Variants in PTPN21 observed in about 807,000 individuals in gnomAD.
PTPN21 encodes protein tyrosine phosphatase non-receptor type 21.
Under a neutral mutation model 131.8 loss-of-function variants are expected in PTPN21, and 77 were observed. The observed-to-expected ratio is 0.58, with a 90% CI of 0.49 to 0.71. PTPN21 has a LOEUF of 0.71. PTPN21 is among the 30% of genes least tolerant of loss of function. PTPN21 has a pLI of 0.00. For missense variants in PTPN21, 1,552 were observed against 1,527.1 expected (o/e 1.02, Z -0.27); for synonymous variants, 715 against 621.3 (o/e 1.15, Z -2.24).
chr14:88,548,172 T>C (rs1460178777), intron 2 of PTPN21, among the ~76,000 whole-genome samples: 1 of 152,138 alleles, frequency 6.6e-6, no homozygotes, highest in African/African-American at 2.4e-5. Flanking sequence ...GTGGCTACCA[T>C]CTGTACCTGA....
intron 2 of PTPN21, among the ~76,000 whole-genome samples, chr14:88,525,964 G>A (rs936387097): frequency 1.3e-5 from 2 of 152,156 alleles, no homozygotes; most frequent in African/African-American, 2.4e-5. Flanking sequence ...GTCAAATATT[G>A]TATAATTCTG....
rs1172099704 is a variant in PTPN21 at position 88,518,226 on chromosome 14, C to CAA, written c.181-967_181-966dup. ...TGGGCAACAGAGTGAGAATCTACCT[C>CAA]AAAAAAAAAAAAAAAAAAAAAAAAA... On this transcript the variant is annotated intron_variant, in intron 2 of 18. Coordinates refer to ENST00000556564, the MANE Select transcript of PTPN21 (RefSeq NM_007039.4). Among the ~76,000 whole-genome samples the CAA allele has an allele frequency of 7.2e-3, 80 of 11,076 alleles. 26 individuals are homozygous for CAA. The highest frequency in any genetic ancestry group is 0.01 in the Non-Finnish European group (69 of 6,736). The allele number at this position is 11,076 out of a possible 152,430, so 7.3% of individuals were successfully genotyped here. A position where few individuals can be genotyped will look rare whatever the true frequency, so the allele number is the denominator to read the frequency against.
intron 1 of PTPN21, 110 bp from the exon 2 acceptor site, chr14:88,550,729 G>GA (rs1276076594): frequency 2.8e-5 from 7 of 251,384 alleles, no homozygotes; most frequent in African/African-American, 4.4e-5. Context: ...CTCTCCACTG[G>GA]AAAAAAGGCA....
Position 88,497,277 on chromosome 14 carries a change from C to T in PTPN21, c.778G>A (p.Ala260Thr). 1 of 1,612,942 alleles carries T rather than the reference C, an allele frequency of 6.2e-7. No homozygotes were observed. Residue 260 changes from alanine (A) to threonine (T), a missense_variant, in exon 9 of 19, where the codon GCC becomes ACC. This residue lies in a region of PTPN21 where 1,016 missense variants were observed against 883.5 expected (regional missense o/e 1.15). Coordinates refer to ENST00000556564, the MANE Select transcript of PTPN21 (RefSeq NM_007039.4). Reference sequence around the variant, plus strand: ...AAGGACTTGTTGTGGGACATGTTGGCAATGTCATGCCACCTAAAGAACAGC... The same window carrying T: ...AAGGACTTGTTGTGGGACATGTTGGTAATGTCATGCCACCTAAAGAACAGC... Reference protein sequence around the residue: ...HPVVFRWHDIANMSHNKSFFA... With the variant: ...HPVVFRWHDITNMSHNKSFFA...
At chr14:88,521,006 C>CTATA (rs1222230866) in intron 2 of PTPN21, among the ~76,000 whole-genome samples, 1 of 151,508 alleles carries the variant, frequency 6.6e-6, no homozygotes, top group Non-Finnish European at 1.5e-5. Context: ...CCACACCAGG[C>CTATA]TATATATATA....
At chr14:88,551,898 T>A (rs1037603292) in intron 1 of PTPN21, 1 of 152,258 alleles carries the variant, frequency 6.6e-6, no homozygotes, top group Non-Finnish European at 1.5e-5. Flanking sequence ...TAGCTGGGGA[T>A]TTTTATATCA....
intron 8 of PTPN21, 35 bp from the exon 9 acceptor site, chr14:88,497,325 G>T (rs1206889970): frequency 4.7e-6 from 7 of 1,503,654 alleles, no homozygotes; most frequent in Non-Finnish European, 6.5e-6. Flanking sequence ...GGCAATGTGA[G>T]TGCCCATGGG....
chr14:88,536,637 AATT>A (rs1336316572), intron 2 of PTPN21, among the ~76,000 whole-genome samples: 4 of 152,326 alleles, frequency 2.6e-5, no homozygotes, highest in African/African-American at 9.6e-5. Flanking sequence ...TTTCTCGTCT[AATT>A]ATTTTAAGAG....
At position 88,479,710 on chromosome 14, in the gene PTPN21, G is replaced by A. The variant is rs1465265620; in HGVS notation, c.1721C>T (p.Pro574Leu). The change falls in exon 13 of 19, where the codon CCC (proline) becomes CTC (leucine). Residue 574 changes from proline to leucine, a missense_variant. Physicochemically the swap from Pro to Leu is moderately conservative, Grantham distance 98 (BLOSUM62 -3). Coordinates refer to ENST00000556564, the MANE Select transcript of PTPN21 (RefSeq NM_007039.4). ...GGACAGGTCTGGCGTGCTGTTGGCG[G>A]GCCTGGGGGGCGGGTAGGGTGGGGG... ...RPPPPYPPPR[P>L]ANSTPDLSRH... 2.7e-6 allele frequency: 4 copies of A among 1,504,764 alleles called. No homozygotes were observed. The highest frequency in any genetic ancestry group is 3.5e-6 in the Non-Finnish European group (4 of 1,137,516). 93.2% of individuals were successfully genotyped at this position (1,504,764 alleles called of 1,614,324 possible).
intron 2 of PTPN21, among the ~76,000 whole-genome samples, chr14:88,549,412 T>C (rs1054571592): frequency 7.9e-5 from 12 of 152,100 alleles, no homozygotes; most frequent in Non-Finnish European, 1.5e-4. Context: ...TATAAACATA[T>C]TCAAAATAAG....
rs561520188 is a variant in PTPN21 at position 88,490,932 on chromosome 14, A to T, written c.933-5090T>A. Among the ~76,000 whole-genome samples, 6 of 152,046 alleles carry T rather than the reference A, an allele frequency of 3.9e-5. No homozygotes were observed. In the East Asian group the frequency reaches 1.2e-3, roughly 30 times the overall value. On this transcript the variant is annotated intron_variant, in intron 10 of 18. Coordinates refer to ENST00000556564, the MANE Select transcript of PTPN21 (RefSeq NM_007039.4). The stretch of plus-strand genomic sequence containing the variant: ...CCAAGGGGCCTCTCATGACTCCCCA[A>T]CTCTCTCGGCATTTTCCTTATATAA...
rs760206884 is a variant in PTPN21, at chr14:88,550,416, ATCT to A, written c.-2_1del. 3.1e-6 allele frequency: 5 copies of A among 1,613,258 alleles called. No individual in the cohort carries two copies. Among genetic ancestry groups the A allele is most frequent in the African/African-American group, 2.7e-5 (2 of 74,904 alleles). On this transcript the variant is annotated start_lost and start_retained_variant and 5_prime_UTR_variant, in exon 2 of 19. Coordinates refer to ENST00000556564, the MANE Select transcript of PTPN21 (RefSeq NM_007039.4). ...CAGTTTCAACCCAAATGGCAGTGGC[ATCT>A]TCTTCTTTCTTCAAGAATGGAGGAG... is the stretch of plus-strand genomic sequence containing the variant.
intron 11 of PTPN21, among the ~76,000 whole-genome samples, chr14:88,485,485 G>A (rs1423113417): frequency 1.3e-5 from 2 of 152,008 alleles, no homozygotes; most frequent in Non-Finnish European, 2.9e-5. Flanking sequence ...AGGTATTATA[G>A]TCAATCTTAT....
At chr14:88,477,626 T>C (rs2077567639) in intron 13 of PTPN21, among the ~76,000 whole-genome samples, 1 of 151,970 alleles carries the variant, frequency 6.6e-6, no homozygotes, top group African/African-American at 2.4e-5. Context: ...GAACCACACT[T>C]GAGATGAGCC....
At chr14:88,493,451 T>G (rs1236638670) in intron 10 of PTPN21, among the ~76,000 whole-genome samples, 1 of 152,164 alleles carries the variant, frequency 6.6e-6, no homozygotes, top group South Asian at 2.1e-4. Flanking sequence ...GATGCCTTCC[T>G]GGAGTCAGAC....
chr14:88,519,940 C>G (rs1566840874), intron 2 of PTPN21, among the ~76,000 whole-genome samples: 1 of 152,066 alleles, frequency 6.6e-6, no homozygotes, highest in East Asian at 1.9e-4. Context: ...TGTGTAAAAC[C>G]TCAAAGCCAG....
chr14:88,480,123 C>T lies in PTPN21; in HGVS notation c.1308G>A (p.Arg436=), dbSNP rs201871829. ...VMRPDYLPSH[R]HSAVIPPSYR... The stretch of plus-strand genomic sequence containing the variant: ...AGGACGGGGGTATCACGGCGCTGTG[C>T]CGATGGGACGGGAGGTAGTCAGGCC... The change falls in exon 13 of 19, where the codon CGG becomes CGA. Residue 436 remains arginine, a synonymous_variant. Transcript: ENST00000556564. 2 of 1,614,102 alleles carry T rather than the reference C, an allele frequency of 1.2e-6. No individual in the cohort carries two copies. The highest frequency in any genetic ancestry group is 3.3e-5 in the Admixed American group (2 of 60,012).
chr14:88,469,992 G>A lies in PTPN21; in HGVS notation c.2930C>T (p.Thr977Ile). 1.2e-6 allele frequency: 2 copies of A among 1,613,368 alleles called. No individual in the cohort carries two copies. The highest frequency in any genetic ancestry group is 1.3e-5 in the African/African-American group (1 of 74,958). The change falls in exon 16 of 19, where the codon ACC (threonine) becomes ATC (isoleucine). Residue 977 changes from threonine to isoleucine, a missense_variant. Around this residue, in one of 4 missense-constraint regions of PTPN21, gnomAD observed 316 missense variants for 378.5 expected, o/e 0.83. Transcript: ENST00000556564. This position sits in a 1 kb window ranked among gnomAD's most constrained non-coding sequence, Gnocchi z 4.3. The stretch of plus-strand genomic sequence containing the variant: ...TACCATCTGCCAAAAATCTTGACAG[G>A]TATTCTGTAATGGTCCCTGTGTGGC... ...YIATQGPLQN[T>I]CQDFWQMVWE...
chr14:88,473,009 C>T lies in PTPN21; in HGVS notation c.2650-544G>A, dbSNP rs2077494576. On this transcript the variant is annotated intron_variant, in intron 14 of 18. Coordinates refer to ENST00000556564, the MANE Select transcript of PTPN21 (RefSeq NM_007039.4). ...TTGGCCTAAAGAAATTTGTTGAATTCATTTTCTCTAGATCTGTGGTCAATT... is the reference window on the plus strand; with the variant it reads ...TTGGCCTAAAGAAATTTGTTGAATTTATTTTCTCTAGATCTGTGGTCAATT... Among the ~76,000 whole-genome samples the T allele has an allele frequency of 2.0e-5, 3 of 152,134 alleles. No homozygotes were observed. In the South Asian group the frequency reaches 6.2e-4, roughly 32 times the overall value.
Sources: gnomAD v4.1 joint callset for allele counts (sites outside exome capture counted in the v4.1 genomes callset) on GRCh38, gnomAD v4.1.1 for gene constraint, gnomAD v4.1.1 regional missense constraint, Gnocchi (gnomAD v3.1) non-coding constraint, MANE v1.5 for transcripts, NCBI Gene and HGNC (gene_info 2026-07-23, HGNC 2026-07-21) for gene names.